Variants in RAI1 observed in about 807,000 individuals in gnomAD.
RAI1 encodes the protein retinoic acid induced 1, also known as retinoic acid-induced protein 1.
RAI1 carries 9 observed loss-of-function variants against 123.8 expected under a neutral mutation model. The observed-to-expected ratio is 0.07, with a 90% CI of 0.04 to 0.13. The LOEUF (loss-of-function observed/expected upper bound fraction) is 0.13, where lower values mean the gene tolerates loss of function less well. RAI1 is among the 10% of genes least tolerant of loss of function. The pLI is 1.00. For missense variants in RAI1, 2,256 were observed against 2,545.8 expected (o/e 0.89, Z 2.45); for synonymous variants, 1,231 against 1,127.3 (o/e 1.09, Z -1.84).
At chr17:17,686,107 C>G (rs911337700) in intron 1 of RAI1, among the ~76,000 whole-genome samples, 1 of 152,264 alleles carries the variant, frequency 6.6e-6, no homozygotes, top group Non-Finnish European at 1.5e-5. Context: ...GAAAGCACGT[C>G]TCCTTGCTCT....
chr17:17,793,698 G>C lies in RAI1; in HGVS notation c.750G>C (p.Pro250=). 1 of 1,612,990 alleles carries C rather than the reference G, an allele frequency of 6.2e-7. No individual in the cohort carries two copies. Among genetic ancestry groups the C allele is most frequent in the African/African-American group, 1.3e-5 (1 of 75,024 alleles). Residue 250 remains proline (P), a synonymous_variant, in exon 3 of 6, where the codon CCG becomes CCC. Coordinates refer to ENST00000353383, the MANE Select transcript of RAI1 (RefSeq NM_030665.4). ...CGACTGCCCAGCCCCATGACAGGCC[G>C]CTGACTGCCAGCTCCAGCCTGGCCC... ...TAPTAQPHDR[P]LTASSSLAPG... is the part of the protein sequence containing the mutation.
At chr17:17,701,584 G>A (rs1317717508) in intron 1 of RAI1, among the ~76,000 whole-genome samples, 1 of 152,036 alleles carries the variant, frequency 6.6e-6, no homozygotes, top group Non-Finnish European at 1.5e-5. Flanking sequence ...ATGTCCCCTT[G>A]TACCCAGCCC....
rs1567941158 is a variant in RAI1 at position 17,809,281 on chromosome 17, A to C, written c.5660-109A>C. On this transcript the variant is annotated intron_variant, in intron 4 of 5. Coordinates refer to ENST00000353383, the MANE Select transcript of RAI1 (RefSeq NM_030665.4). This position sits in a 1 kb window ranked among gnomAD's most constrained non-coding sequence, Gnocchi z 4.9. Reference sequence around the variant, plus strand: ...TTAACTCTTTGAAAAGAGCCCCTGCAGTCTGGAGCCTCGCGGGCAGTGCGG... The same window carrying C: ...TTAACTCTTTGAAAAGAGCCCCTGCCGTCTGGAGCCTCGCGGGCAGTGCGG... 1 of 915,104 alleles carries C rather than the reference A, an allele frequency of 1.1e-6. No individual in the cohort carries two copies. The highest frequency in any genetic ancestry group is 1.8e-6 in the Non-Finnish European group (1 of 546,862). The allele number at this position is 915,104 out of a possible 1,614,324, so 56.7% of individuals were successfully genotyped here.
rs367563982 is a variant in RAI1 at position 17,684,868 on chromosome 17, T to C, written c.-149+3075T>C. On this transcript the variant is annotated intron_variant, in intron 1 of 5. Transcript: ENST00000353383. ...GAAGTCCTTCAGGGCAAGTTCTGGG[T>C]TGACTCCTGGCTCCACCACATACTG... The C allele has an allele frequency of 5.3e-5, 8 of 152,186 alleles. No individual in the cohort carries two copies. The South Asian group carries it at 1.0e-3, about 20-fold the overall frequency. 9.4% of individuals were successfully genotyped at this position (152,186 alleles called of 1,614,324 possible).
intron 2 of RAI1, among the ~76,000 whole-genome samples, chr17:17,785,039 ACAC>A (rs1567905114): frequency 6.6e-6 from 1 of 152,064 alleles, no homozygotes; most frequent in East Asian, 1.9e-4. Flanking sequence ...CTACATCTCA[ACAC>A]CACCAGGGCA....
intron 2 of RAI1, chr17:17,779,028 GC>G (rs1341122582): frequency 1.8e-5 from 7 of 391,704 alleles, no homozygotes; most frequent in African/African-American, 1.5e-4. Context: ...ACAGCTGGAC[GC>G]CAGGCCCAGT....
At chr17:17,775,741 C>A (rs983053528) in intron 2 of RAI1, among the ~76,000 whole-genome samples, 1 of 152,104 alleles carries the variant, frequency 6.6e-6, no homozygotes, top group African/African-American at 2.4e-5. Flanking sequence ...GAGGGTCTTG[C>A]TGTCTCGGGT....
At position 17,793,516 on chromosome 17, in the gene RAI1, A is replaced by C; in HGVS notation, c.568A>C (p.Arg190=). 6.2e-7 allele frequency: 1 copy of C among 1,613,994 alleles called. No individual in the cohort carries two copies. The highest frequency in any genetic ancestry group is 8.5e-7 in the Non-Finnish European group (1 of 1,180,008). ...GCCCCTGGCATACCCCAAGCTCCAA[A>C]GGCAGAAGCTGCAGAACGACATTGC... ...QQPLAYPKLQ[R]QKLQNDIASP... is the part of the protein sequence containing the mutation. The change falls in exon 3 of 6, where the codon AGG becomes CGG. Residue 190 remains arginine, a synonymous_variant. Coordinates refer to ENST00000353383, the MANE Select transcript of RAI1 (RefSeq NM_030665.4).
chr17:17,688,816 T>C (rs1914737172), intron 1 of RAI1, among the ~76,000 whole-genome samples: 1 of 152,000 alleles, frequency 6.6e-6, no homozygotes, highest in South Asian at 2.1e-4. Flanking sequence ...GTCAGGCTGG[T>C]CTCAAACTCC....
chr17:17,760,508 T>C (rs1210573696), intron 2 of RAI1, among the ~76,000 whole-genome samples: 1 of 152,182 alleles, frequency 6.6e-6, no homozygotes, highest in Non-Finnish European at 1.5e-5. Flanking sequence ...GTTAGTGGCC[T>C]AGCCCTGGGT....
intron 1 of RAI1, among the ~76,000 whole-genome samples, chr17:17,719,260 C>G (rs533989187): frequency 1.3e-5 from 2 of 152,320 alleles, no homozygotes; most frequent in East Asian, 3.9e-4. Flanking sequence ...GCCAAAGTCC[C>G]TACAATGGTG....
intron 4 of RAI1, chr17:17,804,115 A>G: frequency 1.9e-6 from 1 of 537,676 alleles, no homozygotes; most frequent in East Asian, 3.4e-5. Context: ...TACAATGTGG[A>G]ATGCTGTCTG....
rs944255461 is a variant in RAI1, at chr17:17,785,941, G to A, written c.-16-6992G>A. The stretch of plus-strand genomic sequence containing the variant: ...CAGACAGTGTCTCTTGAATTCTCAA[G>A]TATGAAAGAAAAAACTTTGTACTTG... On this transcript the variant is annotated intron_variant, in intron 2 of 5. Coordinates refer to ENST00000353383, the MANE Select transcript of RAI1 (RefSeq NM_030665.4). 3.3e-5 allele frequency among the ~76,000 whole-genome samples: 5 copies of A among 152,192 alleles called. No homozygotes were observed. In the East Asian group the frequency reaches 9.6e-4, roughly 29 times the overall value.
At chr17:17,757,010 G>A (rs1263703946) in intron 2 of RAI1, among the ~76,000 whole-genome samples, 1 of 152,192 alleles carries the variant, frequency 6.6e-6, no homozygotes, top group African/African-American at 2.4e-5. Context: ...GCCGGGCCCT[G>A]TGTACACTTC....
At chr17:17,784,934 A>G (rs972421044) in intron 2 of RAI1, among the ~76,000 whole-genome samples, 4 of 152,056 alleles carry the variant, frequency 2.6e-5, no homozygotes, top group Non-Finnish European at 4.4e-5. Flanking sequence ...TGCTGCTTAC[A>G]TGGGGTGCCT....
At chr17:17,792,780 G>C (rs970940118) in intron 2 of RAI1, among the ~76,000 whole-genome samples, 153 bp from the exon 3 acceptor site, 4 of 149,970 alleles carry the variant, frequency 2.7e-5, no homozygotes, top group Non-Finnish European at 1.5e-5. Flanking sequence ...TAAGAGCTGC[G>C]CGGGGGAGCA....
At chr17:17,756,397 A>C (rs535213019) in intron 2 of RAI1, among the ~76,000 whole-genome samples, 111 of 152,030 alleles carry the variant, frequency 7.3e-4, no homozygotes, top group Admixed American at 1.7e-3. Context: ...GGGTTTCTCC[A>C]TGTTGGTCAG....
rs867621111 is a variant in RAI1, at chr17:17,699,798, G to A, written c.-149+18005G>A. On this transcript the variant is annotated intron_variant, in intron 1 of 5. Coordinates refer to ENST00000353383, the MANE Select transcript of RAI1 (RefSeq NM_030665.4). ...GATGGCCCACCCAGCCCACCAGCTG[G>A]TCACGGTCCCATCCCCCACCACTCC... 2.6e-5 allele frequency among the ~76,000 whole-genome samples: 4 copies of A among 152,182 alleles called. No individual in the cohort carries two copies. The South Asian group carries it at 8.3e-4, about 31-fold the overall frequency.
At chr17:17,746,076 G>T (rs2029900977) in intron 2 of RAI1, among the ~76,000 whole-genome samples, 1 of 151,766 alleles carries the variant, frequency 6.6e-6, no homozygotes, top group African/African-American at 2.4e-5. Flanking sequence ...CCCTTTCTTG[G>T]CCAGCAGATC....
Sources: gnomAD v4.1 joint callset for allele counts (sites outside exome capture counted in the v4.1 genomes callset) on GRCh38, gnomAD v4.1.1 for gene constraint, Gnocchi (gnomAD v3.1) non-coding constraint, MANE v1.5 for transcripts, NCBI Gene and HGNC (gene_info 2026-07-23, HGNC 2026-07-21) for gene names.